Variants in ADGRL3 observed in about 807,000 individuals in gnomAD.
ADGRL3 encodes the protein adhesion G protein-coupled receptor L3.
Under a neutral mutation model 153.5 loss-of-function variants are expected in ADGRL3, and 62 were observed. That is an observed-to-expected ratio of 0.40 (90% CI 0.33 to 0.50). The LOEUF is 0.50. Ranked by LOEUF, ADGRL3 falls within the 20% of genes least tolerant of loss-of-function variation. ADGRL3 has a pLI of 0.47. For synonymous variants in ADGRL3, 710 were observed against 672.5 expected (o/e 1.06, Z -0.86); for missense variants, 1,641 against 1,859.4 (o/e 0.88, Z 2.16).
intron 1 of ADGRL3, among the ~76,000 whole-genome samples, chr4:61,267,882 G>A (rs373997776): frequency 6.6e-6 from 1 of 151,352 alleles, no homozygotes; most frequent in Non-Finnish European, 1.5e-5. Flanking sequence ...TATAAAATAG[G>A]TAGCATAATT....
chr4:61,243,743 A>G (rs562169995), intron 1 of ADGRL3, among the ~76,000 whole-genome samples: 2 of 152,108 alleles, frequency 1.3e-5, no homozygotes, highest in African/African-American at 4.8e-5. Context: ...TCATGTTTGT[A>G]CTAGTGGACC....
intron 14 of ADGRL3, 81 bp from the exon 15 acceptor site, chr4:61,935,842 G>T: frequency 8.0e-7 from 1 of 1,252,266 alleles, no homozygotes; most frequent in South Asian, 1.7e-5. Context: ...TTTGATTTCA[G>T]AAATACTGCA....
At chr4:61,767,058 G>A (rs1342618030) in intron 8 of ADGRL3, among the ~76,000 whole-genome samples, 3 of 151,996 alleles carry the variant, frequency 2.0e-5, no homozygotes, top group Non-Finnish European at 4.4e-5. Flanking sequence ...CGTTGAGTGG[G>A]GTAAGGGTGA....
intron 8 of ADGRL3, among the ~76,000 whole-genome samples, chr4:61,792,638 T>A (rs1441243101): frequency 1.3e-5 from 2 of 151,768 alleles, no homozygotes; most frequent in African/African-American, 4.8e-5. Flanking sequence ...TACAGGTGCA[T>A]GCCACCACAC....
chr4:61,318,843 G>T (rs192180878), intron 1 of ADGRL3, among the ~76,000 whole-genome samples: 2 of 152,098 alleles, frequency 1.3e-5, no homozygotes, highest in Admixed American at 6.5e-5. Context: ...ATATTCCAGA[G>T]AATTTAAAAT....
intron 2 of ADGRL3, among the ~76,000 whole-genome samples, chr4:61,488,686 A>G (rs1307489180): frequency 6.6e-6 from 1 of 151,976 alleles, no homozygotes; most frequent in East Asian, 1.9e-4. Context: ...CTGACAAGAC[A>G]TTACAGTGAT....
intron 1 of ADGRL3, among the ~76,000 whole-genome samples, chr4:61,272,897 G>A (rs975726803): frequency 6.6e-6 from 1 of 152,122 alleles, no homozygotes; most frequent in African/African-American, 2.4e-5. Context: ...GCTATTGTGT[G>A]GTATTCTGGA....
intron 2 of ADGRL3, among the ~76,000 whole-genome samples, chr4:61,477,412 C>G (rs2098078272): frequency 6.6e-6 from 1 of 151,918 alleles, no homozygotes; most frequent in African/African-American, 2.4e-5. Flanking sequence ...CAATTTTATG[C>G]AAAAGAAAGC....
chr4:61,323,167 T>C (rs2150799704), intron 1 of ADGRL3, among the ~76,000 whole-genome samples: 1 of 152,254 alleles, frequency 6.6e-6, no homozygotes. Flanking sequence ...AGTCAGTGTC[T>C]GGGAAGCAGG....
chr4:61,399,214 T>A (rs1269259407), intron 2 of ADGRL3, among the ~76,000 whole-genome samples: 1 of 151,676 alleles, frequency 6.6e-6, no homozygotes, highest in African/African-American at 2.4e-5. Context: ...TACTCAGATC[T>A]TTAGTTAAGG....
At chr4:61,375,452 A>G (rs1352965696) in intron 1 of ADGRL3, among the ~76,000 whole-genome samples, 1 of 152,102 alleles carries the variant, frequency 6.6e-6, no homozygotes, top group South Asian at 2.1e-4. Flanking sequence ...TCCTACATCC[A>G]TAACCCTGAG....
chr4:61,880,488 A>ATAG (rs2149476479), intron 9 of ADGRL3, among the ~76,000 whole-genome samples: 1 of 152,340 alleles, frequency 6.6e-6, no homozygotes, highest in South Asian at 2.1e-4. Flanking sequence ...TAATTCAGAC[A>ATAG]TAGTAGTATA....
At chr4:61,835,337 GA>G (rs34440166) in intron 9 of ADGRL3, among the ~76,000 whole-genome samples, 577 of 33,092 alleles carry the variant, frequency 0.017, 5 homozygotes, top group African/African-American at 0.052. Context: ...TGGCAAGACT[GA>G]AAAAAAAAAA....
intron 8 of ADGRL3, among the ~76,000 whole-genome samples, chr4:61,779,316 G>C (rs372032099): frequency 4.6e-5 from 7 of 151,824 alleles, no homozygotes; most frequent in South Asian, 2.1e-4. Flanking sequence ...AACTCTGCGG[G>C]GGGGTGGAGC....
At chr4:62,038,944 C>A (rs892116257) in intron 24 of ADGRL3, among the ~76,000 whole-genome samples, 1 of 151,982 alleles carries the variant, frequency 6.6e-6, no homozygotes, top group African/African-American at 2.4e-5. Context: ...AAAAAAAAAG[C>A]ATGTTTTCAG....
At chr4:61,965,236 C>T (rs762952603) in intron 17 of ADGRL3, among the ~76,000 whole-genome samples, 19 of 151,794 alleles carry the variant, frequency 1.3e-4, no homozygotes, top group Non-Finnish European at 2.2e-4. Flanking sequence ...TGGGCTCAAG[C>T]GATCCCCCCG....
intron 20 of ADGRL3, among the ~76,000 whole-genome samples, 192 bp from the exon 21 acceptor site, chr4:61,997,982 C>T (rs2099127613): frequency 1.3e-5 from 2 of 152,162 alleles, no homozygotes; most frequent in South Asian, 4.1e-4. Flanking sequence ...TGCTTTGTAA[C>T]TCAGTAGTAT....
intron 5 of ADGRL3, among the ~76,000 whole-genome samples, chr4:61,648,976 TTTTAAG>T (rs1373834881): frequency 6.6e-6 from 1 of 151,988 alleles, no homozygotes; most frequent in East Asian, 1.9e-4. Context: ...TCTTTCTTAC[TTTTAAG>T]TTTTTCTTTA....
At chr4:61,731,653 C>T (rs553525070) in intron 7 of ADGRL3, among the ~76,000 whole-genome samples, 1 of 152,214 alleles carries the variant, frequency 6.6e-6, no homozygotes, top group African/African-American at 2.4e-5. Flanking sequence ...CTTGGAGATT[C>T]ACGAATGTAC....
Sources: gnomAD v4.1 joint callset for allele counts (sites outside exome capture counted in the v4.1 genomes callset) on GRCh38, gnomAD v4.1.1 for gene constraint, MANE v1.5 for transcripts, NCBI Gene and HGNC (gene_info 2026-07-23, HGNC 2026-07-21) for gene names.